TNFSF15: variants seen among roughly 807,000 people sequenced by gnomAD.
The protein encoded by TNFSF15 is TNF superfamily member 15.
Under a neutral mutation model 26.4 loss-of-function variants are expected in TNFSF15, and 15 were observed. That is an observed-to-expected ratio of 0.57 (90% confidence interval 0.38 to 0.87). TNFSF15 has a LOEUF of 0.87. TNFSF15 is among the 40% of genes least tolerant of loss of function. The pLI, the probability that TNFSF15 is intolerant of heterozygous loss-of-function variation, is 0.00. For missense variants in TNFSF15, 290 were observed against 306.1 expected (o/e 0.95, Z 0.39); for synonymous variants, 116 against 115.0 (o/e 1.01, Z -0.06).
At chr9:114,792,737 C>A (rs1829623363) in intron 2 of TNFSF15, among the ~76,000 whole-genome samples, 1 of 152,232 alleles carries the variant, frequency 6.6e-6, no homozygotes, top group African/African-American at 2.4e-5. Flanking sequence ...GTTTTCTCAT[C>A]TCATCTAAGA....
At chr9:114,801,932 A>T (rs956316038) in intron 1 of TNFSF15, among the ~76,000 whole-genome samples, 1 of 152,200 alleles carries the variant, frequency 6.6e-6, no homozygotes, top group Non-Finnish European at 1.5e-5. Flanking sequence ...CAGAATTACT[A>T]CTTTCTTTTG....
At chr9:114,800,563 G>C (rs1269852731) in intron 1 of TNFSF15, among the ~76,000 whole-genome samples, 1 of 152,052 alleles carries the variant, frequency 6.6e-6, no homozygotes, top group Non-Finnish European at 1.5e-5. Flanking sequence ...TGTGTGACTG[G>C]GCACATTGTT....
At chr9:114,795,810 C>T (rs971324492) in intron 1 of TNFSF15, among the ~76,000 whole-genome samples, 17 of 152,232 alleles carry the variant, frequency 1.1e-4, no homozygotes, top group African/African-American at 3.9e-4. Flanking sequence ...TGTGATGTGG[C>T]GTCATATGTA....
In TNFSF15 at chr9:114,787,348, G is replaced by A. The variant is rs925403169; in HGVS notation, c.*3104C>T. On this transcript the variant is annotated 3_prime_UTR_variant, in exon 4 of 4. Transcript: ENST00000374045. The stretch of plus-strand genomic sequence containing the variant: ...ATAGATCCATGTGCCTAAAGTTTAC[G>A]AATTAATTAGCTAATACAACCAAAA... 1.3e-5 allele frequency: 2 copies of A among 152,120 alleles called. No individual in the cohort carries two copies. The highest frequency in any genetic ancestry group is 2.9e-5 in the Non-Finnish European group (2 of 68,026). 9.4% of individuals were successfully genotyped at this position (152,120 alleles called of 1,614,324 possible).
intron 1 of TNFSF15, among the ~76,000 whole-genome samples, chr9:114,801,186 T>C (rs1829742446): frequency 6.6e-6 from 1 of 152,216 alleles, no homozygotes; most frequent in African/African-American, 2.4e-5. Context: ...CCTTGGTGCA[T>C]TCTGCTTTGC....
chr9:114,789,702 G>T lies in TNFSF15; in HGVS notation c.*750C>A, dbSNP rs1476399944. The T allele has an allele frequency of 1.3e-5, 2 of 152,268 alleles. No homozygotes were observed. The highest frequency in any genetic ancestry group is 2.9e-5 in the Non-Finnish European group (2 of 68,038). 9.4% of individuals were successfully genotyped at this position (152,268 alleles called of 1,614,324 possible). A position where few individuals can be genotyped will look rare whatever the true frequency, so the allele number is the denominator to read the frequency against. ...TTCATATAAATTTTGAGTGGAGTCT[G>T]TCTTGTTTTTCATAGTGTCTTCTGG... On this transcript the variant is annotated 3_prime_UTR_variant, in exon 4 of 4. Transcript: ENST00000374045.
Position 114,794,208 on chromosome 9 carries a change from T to C in TNFSF15, c.211-640A>G, listed in dbSNP as rs1829646776. The stretch of plus-strand genomic sequence containing the variant: ...TTTTCTCTCTGAGCTTTGGTGTCTT[T>C]ATTTCTAAAGTGGGAATAATAACAT... On this transcript the variant is annotated intron_variant, in intron 1 of 3. Transcript: ENST00000374045. Among the ~76,000 whole-genome samples the C allele has an allele frequency of 2.6e-5, 4 of 152,348 alleles. No individual in the cohort carries two copies. In the South Asian group the frequency reaches 8.3e-4, roughly 32 times the overall value.
At chr9:114,794,970 C>T (rs999513672) in intron 1 of TNFSF15, among the ~76,000 whole-genome samples, 9 of 152,050 alleles carry the variant, frequency 5.9e-5, no homozygotes, top group Non-Finnish European at 1.2e-4. Flanking sequence ...TGTTTGGTAG[C>T]AGAGTATGGT....
chr9:114,804,391 A>C (rs1433952140), intron 1 of TNFSF15, among the ~76,000 whole-genome samples: 1 of 152,126 alleles, frequency 6.6e-6, no homozygotes, highest in Non-Finnish European at 1.5e-5. Context: ...CTGGTCTTCT[A>C]GATAGACAAA....
intron 1 of TNFSF15, among the ~76,000 whole-genome samples, chr9:114,805,153 G>A (rs1460141398): frequency 6.6e-6 from 1 of 152,144 alleles, no homozygotes; most frequent in African/African-American, 2.4e-5. Context: ...CAACCAGGCA[G>A]GAGGTTCTTT....
chr9:114,798,396 G>A (rs1245128639), intron 1 of TNFSF15, among the ~76,000 whole-genome samples: 4 of 151,690 alleles, frequency 2.6e-5, no homozygotes, highest in Admixed American at 1.3e-4. Context: ...ATGTTGACTG[G>A]TAATCCCTGA....
rs1380561016 is a variant in TNFSF15, at chr9:114,785,314, T to A, written c.*5138A>T. The A allele has an allele frequency of 6.6e-6, 1 of 152,210 alleles. No homozygotes were observed. The highest frequency in any genetic ancestry group is 2.4e-5 in the African/African-American group (1 of 41,454). 9.4% of individuals were successfully genotyped at this position (152,210 alleles called of 1,614,324 possible). A position where few individuals can be genotyped will look rare whatever the true frequency, so the allele number is the denominator to read the frequency against. ...CTTGGAATAAACTCCGCAGATACTG[T>A]CATTTCTAAAATTCCATGACATTTC... On this transcript the variant is annotated 3_prime_UTR_variant, in exon 4 of 4. Coordinates refer to ENST00000374045, the MANE Select transcript of TNFSF15 (RefSeq NM_005118.4).
rs142936750 is a variant in TNFSF15 at position 114,792,224 on chromosome 9, TACACACACACACAC to T, written c.301+169_301+182del. ...GTGTGTGTGTATATACATATGTGTGTACACACACACACACACACACACACACACACACACACACA... is the reference window on the plus strand; with the variant it reads ...GTGTGTGTGTATATACATATGTGTGTACACACACACACACACACACACACA... On this transcript the variant is annotated intron_variant, in intron 3 of 3. Transcript: ENST00000374045. 4.3e-3 allele frequency: 2,373 copies of T among 556,526 alleles called. 3 individuals are homozygous for T. Among genetic ancestry groups the T allele is most frequent in the East Asian group, 0.012 (392 of 32,460 alleles). 34.5% of individuals were successfully genotyped at this position (556,526 alleles called of 1,614,324 possible).
Position 114,789,814 on chromosome 9 carries a change from A to T in TNFSF15, c.*638T>A, listed in dbSNP as rs1235394015. On this transcript the variant is annotated 3_prime_UTR_variant, in exon 4 of 4. Transcript: ENST00000374045. Reference sequence around the variant, plus strand: ...GTTGTATTTTTGATATACATGTGAAACTCATACTTCCTTATTTAGATATCT... The same window carrying T: ...GTTGTATTTTTGATATACATGTGAATCTCATACTTCCTTATTTAGATATCT... 6.6e-6 allele frequency: 1 copy of T among 152,244 alleles called. No homozygotes were observed. Among genetic ancestry groups the T allele is most frequent in the Non-Finnish European group, 1.5e-5 (1 of 68,044 alleles). The allele number at this position is 152,244 out of a possible 1,614,324, so 9.4% of individuals were successfully genotyped here.
At chr9:114,793,505 G>T in intron 2 of TNFSF15, 21 bp downstream of exon 2, 1 of 1,613,162 alleles carries the variant, frequency 6.2e-7, no homozygotes, top group Non-Finnish European at 8.5e-7. Context: ...GAGGAAAGGC[G>T]TTGAAGATGA....
intron 1 of TNFSF15, among the ~76,000 whole-genome samples, chr9:114,799,263 A>G (rs1056127686): frequency 1.4e-4 from 21 of 152,214 alleles, no homozygotes; most frequent in African/African-American, 4.1e-4. Flanking sequence ...TTTCCTCGTC[A>G]ATAAAAGCAG....
chr9:114,790,649 T>C lies in TNFSF15; in HGVS notation c.559A>G (p.Ser187Gly). Residue 187 changes from serine to glycine, a missense_variant, in exon 4 of 4, where the codon AGC becomes GGC. Ser to Gly is a moderately conservative substitution (Grantham distance 56, BLOSUM62 0). Transcript: ENST00000374045. ...AGGAGCTGGGTTGGCTCAGGGTAGC[T>C]GTCTGTTACCTTGGTGATGACCACA... ...ITVVITKVTDSYPEPTQLLMG... is the reference protein window; with the variant it reads ...ITVVITKVTDGYPEPTQLLMG... 6.2e-7 allele frequency: 1 copy of C among 1,614,114 alleles called. No individual in the cohort carries two copies. The highest frequency in any genetic ancestry group is 8.5e-7 in the Non-Finnish European group (1 of 1,179,998).
At position 114,788,201 on chromosome 9, in the gene TNFSF15, G is replaced by C. The variant is rs1033531524; in HGVS notation, c.*2251C>G. ...CTATCAAGCAAGTTTTGGAGTTACT[G>C]AGAAATCTTTCTTTTCTGCTTTAAG... On this transcript the variant is annotated 3_prime_UTR_variant, in exon 4 of 4. Transcript: ENST00000374045. 6.5e-6 allele frequency: 1 copy of C among 153,770 alleles called. No homozygotes were observed. The highest frequency in any genetic ancestry group is 2.4e-5 in the African/African-American group (1 of 41,460). 9.5% of individuals were successfully genotyped at this position (153,770 alleles called of 1,614,324 possible).
At chr9:114,802,029 C>T (rs1426275419) in intron 1 of TNFSF15, among the ~76,000 whole-genome samples, 4 of 152,158 alleles carry the variant, frequency 2.6e-5, no homozygotes, top group Non-Finnish European at 5.9e-5. Flanking sequence ...ATTATATATG[C>T]TGTTAACGCA....
Sources: allele counts gnomAD v4.1 joint callset (sites outside exome capture counted in the v4.1 genomes callset), GRCh38; gene constraint gnomAD v4.1.1; transcripts MANE v1.5; gene names NCBI Gene and HGNC (gene_info 2026-07-23, HGNC 2026-07-21).